CCDC13: variants seen among roughly 807,000 people sequenced by gnomAD.
CCDC13 encodes coiled-coil domain containing 13.
In CCDC13, 70 loss-of-function variants were observed where a neutral mutation model predicts 87.3. The observed-to-expected ratio is 0.80, with a 90% CI of 0.66 to 0.98. CCDC13 has a LOEUF of 0.98. CCDC13 is among the 50% of genes least tolerant of loss of function. CCDC13 has a pLI of 0.00. For missense variants in CCDC13, 842 were observed against 892.0 expected (o/e 0.94, Z 0.71); for synonymous variants, 317 against 360.3 (o/e 0.88, Z 1.36).
chr3:42,744,562 T>G (rs562394127), intron 7 of CCDC13, among the ~76,000 whole-genome samples: 7 of 152,166 alleles, frequency 4.6e-5, no homozygotes, highest in Admixed American at 1.3e-4. Flanking sequence ...TCCCAGCACT[T>G]TGGCAAGCCG....
intron 1 of CCDC13, among the ~76,000 whole-genome samples, chr3:42,764,722 A>C (rs1015685299): frequency 5.9e-5 from 9 of 152,116 alleles, no homozygotes; most frequent in Admixed American, 5.9e-4. Context: ...CCTTCCTCCC[A>C]GGCCTCCCCA....
At chr3:42,763,243 T>C (rs1229465273) in intron 1 of CCDC13, among the ~76,000 whole-genome samples, 1 of 152,210 alleles carries the variant, frequency 6.6e-6, no homozygotes, top group East Asian at 1.9e-4. Context: ...CAAGAGTAGA[T>C]TGCAGTCTGT....
At chr3:42,749,842 C>G (rs553298723) in intron 5 of CCDC13, 1 of 456,498 alleles carries the variant, frequency 2.2e-6, no homozygotes, top group Admixed American at 2.4e-5. Flanking sequence ...AAGCCCCAAG[C>G]AGAGGGAAGG....
chr3:42,756,461 G>C (rs1018143108), intron 3 of CCDC13, among the ~76,000 whole-genome samples: 7 of 152,140 alleles, frequency 4.6e-5, no homozygotes, highest in Admixed American at 6.5e-5. Flanking sequence ...AGACTTACAG[G>C]GCCAAGACCC....
intron 13 of CCDC13, chr3:42,719,382 C>CCTCTTTCTCT (rs1386418167): frequency 9.5e-5 from 5 of 52,408 alleles, no homozygotes; most frequent in East Asian, 3.4e-3. Flanking sequence ...GCAGTGCTTT[C>CCTCTTTCTCT]CTCTCTCTCT....
chr3:42,731,807 C>CA (rs1301686111), intron 12 of CCDC13, among the ~76,000 whole-genome samples: 3 of 152,182 alleles, frequency 2.0e-5, no homozygotes, highest in Admixed American at 2.0e-4. Context: ...CCTGTCCTGT[C>CA]ACCTGTGGGA....
At chr3:42,756,589 CTT>C (rs556028100) in intron 3 of CCDC13, among the ~76,000 whole-genome samples, 1 of 142,696 alleles carries the variant, frequency 7.0e-6, no homozygotes. Flanking sequence ...TCTACTGGGG[CTT>C]TTTTTTTTTT....
At chr3:42,752,320 T>C (rs1490308754) in intron 4 of CCDC13, among the ~76,000 whole-genome samples, 1 of 152,038 alleles carries the variant, frequency 6.6e-6, no homozygotes, top group East Asian at 1.9e-4. Flanking sequence ...CCAACAATAG[T>C]CTAGGAGGCG....
intron 3 of CCDC13, among the ~76,000 whole-genome samples, chr3:42,755,507 T>C (rs1235091324): frequency 1.3e-5 from 2 of 152,192 alleles, no homozygotes; most frequent in South Asian, 4.1e-4. Context: ...CTCAGGAGGC[T>C]GAGGCAGGAG....
intron 1 of CCDC13, among the ~76,000 whole-genome samples, chr3:42,764,589 C>T (rs1336862402): frequency 1.3e-5 from 2 of 152,186 alleles, no homozygotes; most frequent in Non-Finnish European, 2.9e-5. Context: ...TTCTCTTAAA[C>T]CTGCTGGATT....
chr3:42,751,189 C>T (rs1047209735), intron 5 of CCDC13, among the ~76,000 whole-genome samples: 6 of 152,142 alleles, frequency 3.9e-5, no homozygotes, highest in South Asian at 2.1e-4. Context: ...TTGGGAGTCC[C>T]GGGGCTTGGC....
chr3:42,743,958 A>T (rs1449145227), intron 7 of CCDC13, among the ~76,000 whole-genome samples: 1 of 152,188 alleles, frequency 6.6e-6, no homozygotes, highest in Non-Finnish European at 1.5e-5. Context: ...CCTCATCTGT[A>T]AGATGGGCCT....
At position 42,713,169 on chromosome 3, in the gene CCDC13, G is replaced by GT; in HGVS notation, c.1865_1866insA (p.Lys623GlnfsTer8). On this transcript the variant is annotated frameshift_variant, in exon 14 of 16. Transcript: ENST00000310232. LOFTEE classifies it high-confidence loss of function. Reference sequence around the variant, plus strand: ...TACTGCCCTGGCCCCTACCTGTTTTGGTCCTGGGAGCTGCTCTCTGGGAGG... The same window carrying GT: ...TACTGCCCTGGCCCCTACCTGTTTTGTGTCCTGGGAGCTGCTCTCTGGGAGG... 1 of 1,613,814 alleles carries GT rather than the reference G, an allele frequency of 6.2e-7. No homozygotes were observed. Among genetic ancestry groups the GT allele is most frequent in the Non-Finnish European group, 8.5e-7 (1 of 1,179,836 alleles).
intron 13 of CCDC13, among the ~76,000 whole-genome samples, chr3:42,722,450 T>C (rs986452253): frequency 6.6e-6 from 1 of 152,128 alleles, no homozygotes; most frequent in Non-Finnish European, 1.5e-5. Context: ...GTTAAGGCAT[T>C]CTAAGTCACA....
chr3:42,730,872 C>T (rs933582543), intron 12 of CCDC13, among the ~76,000 whole-genome samples: 3 of 152,158 alleles, frequency 2.0e-5, no homozygotes, highest in African/African-American at 7.2e-5. Context: ...TAGTCTGGTG[C>T]TGTGGCAGGT....
chr3:42,710,534 A>G (rs1441478948), intron 14 of CCDC13, among the ~76,000 whole-genome samples: 1 of 152,240 alleles, frequency 6.6e-6, no homozygotes, highest in Non-Finnish European at 1.5e-5. Context: ...TGAAGGGTAC[A>G]GAATGTTCAC....
At chr3:42,770,779 GAAC>G (rs1475783294) in intron 1 of CCDC13, 1 of 152,842 alleles carries the variant, frequency 6.5e-6, no homozygotes, top group African/African-American at 2.4e-5. Flanking sequence ...CAGGAGGAAT[GAAC>G]AACTCCAGAC....
chr3:42,709,638 T>C (rs758523506), intron 15 of CCDC13, 46 bp downstream of exon 15: 2 of 1,488,374 alleles, frequency 1.3e-6, no homozygotes, highest in Non-Finnish European at 1.9e-6. Flanking sequence ...GAGGCACCTC[T>C]GCTCAGACAA....
chr3:42,728,535 T>C (rs1483244871), intron 13 of CCDC13, among the ~76,000 whole-genome samples: 1 of 152,220 alleles, frequency 6.6e-6, no homozygotes, highest in African/African-American at 2.4e-5. Context: ...TTTAAAATAG[T>C]TCCTTTGGTT....
Sources: allele counts gnomAD v4.1 joint callset (sites outside exome capture counted in the v4.1 genomes callset), GRCh38; gene constraint gnomAD v4.1.1; transcripts MANE v1.5; gene names NCBI Gene and HGNC (gene_info 2026-07-23, HGNC 2026-07-21).